Variants in ADCY9 observed in about 807,000 individuals in gnomAD.
ADCY9 encodes the protein adenylate cyclase type 9.
A neutral mutation model predicts 101.5 loss-of-function variants in ADCY9; 50 were observed. That is an observed-to-expected ratio of 0.49 (90% confidence interval 0.39 to 0.62). The LOEUF is 0.62. Among genes scored for constraint, ADCY9 ranks in the 20% least tolerant of loss-of-function variants. The pLI, the probability that ADCY9 is intolerant of heterozygous loss-of-function variation, is 0.00. For missense variants in ADCY9, 1,662 were observed against 1,800.4 expected (o/e 0.92, Z 1.39); for synonymous variants, 905 against 769.3 (o/e 1.18, Z -2.92).
intron 7 of ADCY9, among the ~76,000 whole-genome samples, chr16:3,981,239 C>A (rs1265200483): frequency 1.3e-5 from 2 of 152,198 alleles, no homozygotes; most frequent in African/African-American, 2.4e-5. Context: ...GCGCACCTCA[C>A]CCCAGCCCTC....
downstream of ADCY9, chr16:3,962,521 A>C (rs1597128187): frequency 6.6e-6 from 1 of 152,320 alleles, no homozygotes; most frequent in South Asian, 2.1e-4. Context: ...TTCTGAAGTC[A>C]TGACGTGAAA....
At chr16:4,014,980 G>C (rs1052126072) in intron 2 of ADCY9, among the ~76,000 whole-genome samples, 1 of 123,908 alleles carries the variant, frequency 8.1e-6, no homozygotes, top group African/African-American at 3.1e-5. Flanking sequence ...CTCGCTGTGT[G>C]GCCCAGGCTG....
intron 2 of ADCY9, among the ~76,000 whole-genome samples, chr16:4,083,804 G>A (rs528176327): frequency 5.9e-5 from 9 of 152,288 alleles, no homozygotes; most frequent in African/African-American, 1.7e-4. Flanking sequence ...GTCCAGAACA[G>A]GCAAATGCAA....
rs895988757 is a variant in ADCY9, at chr16:4,116,260, G to A, written c.-614C>T. 1 of 146,092 alleles carries A rather than the reference G, an allele frequency of 6.8e-6. No individual in the cohort carries two copies. Among genetic ancestry groups the A allele is most frequent in the African/African-American group, 2.5e-5 (1 of 40,726 alleles). The allele number at this position is 146,092 out of a possible 1,614,324, so 9.0% of individuals were successfully genotyped here. On this transcript the variant is annotated 5_prime_UTR_variant, in exon 1 of 11. Coordinates refer to ENST00000294016, the MANE Select transcript of ADCY9 (RefSeq NM_001116.4). ...GGGCGGCGGTGCAGACGCTGCCGCA[G>A]AGCCGGGCTCCCGCGACGCCGGCCG...
At chr16:4,047,763 T>C (rs886468634) in intron 2 of ADCY9, among the ~76,000 whole-genome samples, 1 of 152,138 alleles carries the variant, frequency 6.6e-6, no homozygotes, top group African/African-American at 2.4e-5. Flanking sequence ...AAATCCACGT[T>C]GGCCAGGCTG....
chr16:4,030,657 C>G (rs2056549412), intron 2 of ADCY9, among the ~76,000 whole-genome samples: 1 of 151,264 alleles, frequency 6.6e-6, no homozygotes, highest in South Asian at 2.1e-4. Context: ...GAGTCGAGGT[C>G]ATGGCATCGC....
intron 2 of ADCY9, among the ~76,000 whole-genome samples, chr16:4,034,335 C>A (rs544801576): frequency 6.6e-6 from 1 of 152,166 alleles, no homozygotes; most frequent in East Asian, 1.9e-4. Flanking sequence ...ACTAGGCTTC[C>A]ATGCCATATA....
rs1195076485 is a variant in ADCY9, at chr16:3,966,347, G to A, written c.3490C>T (p.Arg1164Cys). Reference sequence around the variant, plus strand: ...AGGGGCCCATGGTTGAAGCCGACGCGGAGCTTGAAGTTGAACCACAGCATG... The same window carrying A: ...AGGGGCCCATGGTTGAAGCCGACGCAGAGCTTGAAGTTGAACCACAGCATG... Reference protein sequence around the residue: ...NNMLWFNFKLRVGFNHGPLTA... With the variant: ...NNMLWFNFKLCVGFNHGPLTA... The change falls in exon 11 of 11, where the codon CGC (arginine) becomes TGC (cysteine). Residue 1164 changes from arginine (R) to cysteine (C), a missense_variant. This residue lies in a region of ADCY9 where 220 missense variants were observed against 312.9 expected (regional missense o/e 0.70). Transcript: ENST00000294016. The A allele has an allele frequency of 1.2e-6, 2 of 1,614,094 alleles. No individual in the cohort carries two copies. The highest frequency in any genetic ancestry group is 1.7e-6 in the Non-Finnish European group (2 of 1,180,040).
At chr16:4,081,072 G>A (rs1453287827) in intron 2 of ADCY9, among the ~76,000 whole-genome samples, 1 of 152,172 alleles carries the variant, frequency 6.6e-6, no homozygotes, top group East Asian at 1.9e-4. Flanking sequence ...AATATTTCTA[G>A]GTCTGTGCTT....
chr16:3,986,579 TC>T (rs1331722623), intron 6 of ADCY9, among the ~76,000 whole-genome samples: 1 of 152,174 alleles, frequency 6.6e-6, no homozygotes, highest in Non-Finnish European at 1.5e-5. Flanking sequence ...TGTCTCAGCT[TC>T]CCAAGTAGCT....
downstream of ADCY9, among the ~76,000 whole-genome samples, chr16:3,960,486 C>T (rs145746707): frequency 6.3e-3 from 955 of 152,300 alleles, 14 homozygotes; most frequent in African/African-American, 0.022. Flanking sequence ...CGCACCACTG[C>T]ACTCCAGCCT....
At chr16:3,998,974 CG>C (rs2056311424) in intron 3 of ADCY9, among the ~76,000 whole-genome samples, 1 of 151,684 alleles carries the variant, frequency 6.6e-6, no homozygotes, top group Admixed American at 6.6e-5. Context: ...TTTCCTTGAG[CG>C]ATTCATTAGC....
Position 3,977,588 on chromosome 16 carries a change from G to A in ADCY9, c.2722C>T (p.His908Tyr), listed in dbSNP as rs2056103524. 6.2e-7 allele frequency: 1 copy of A among 1,612,154 alleles called. No homozygotes were observed. The highest frequency in any genetic ancestry group is 1.1e-5 in the South Asian group (1 of 90,804). The change falls in exon 9 of 11, where the codon CAC becomes TAC. Residue 908 changes from histidine (H) to tyrosine (Y), a missense_variant. Coordinates refer to ENST00000294016, the MANE Select transcript of ADCY9 (RefSeq NM_001116.4). ...TGSAALIAVV[H>Y]YCNFCQLSSW... ...CTGAGCTGGCAGAAGTTACAGTAGT[G>A]CACGACGGCAATCAGCGCGGCCGAG... is the stretch of plus-strand genomic sequence containing the variant.
In ADCY9 at chr16:4,115,908, C is replaced by A; in HGVS notation, c.-262G>T. The A allele has an allele frequency of 2.6e-6, 1 of 391,956 alleles. No individual in the cohort carries two copies. Among genetic ancestry groups the A allele is most frequent in the South Asian group, 1.3e-4 (1 of 7,760 alleles). The allele number at this position is 391,956 out of a possible 1,614,324, so 24.3% of individuals were successfully genotyped here. ...TGCGCACAAACAACTCCGCTGGCGG[C>A]GCGGAGCCCTCCATCCTGCAGGAGC... On this transcript the variant is annotated 5_prime_UTR_variant, in exon 1 of 11. Transcript: ENST00000294016. This position sits in a 1 kb window ranked among gnomAD's most constrained non-coding sequence, Gnocchi z 6.2.
chr16:4,087,567 G>C (rs2601822), intron 2 of ADCY9, among the ~76,000 whole-genome samples: 17,439 of 143,008 alleles, frequency 0.12, 1,587 homozygotes, highest in East Asian at 0.44. Context: ...AAAAAAAGAA[G>C]AACAACAACA....
At chr16:4,058,685 A>G (rs992229673) in intron 2 of ADCY9, among the ~76,000 whole-genome samples, 3 of 152,124 alleles carry the variant, frequency 2.0e-5, no homozygotes, top group African/African-American at 7.2e-5. Flanking sequence ...AAGGCCAGGG[A>G]ACAAGAAAAC....
chr16:4,037,735 T>C (rs758067985), intron 2 of ADCY9, among the ~76,000 whole-genome samples: 2 of 152,224 alleles, frequency 1.3e-5, no homozygotes, highest in South Asian at 2.1e-4. Flanking sequence ...GCATTTTTTA[T>C]TGTAATGCTC....
chr16:4,002,170 C>G (rs887831743), intron 3 of ADCY9, among the ~76,000 whole-genome samples: 1 of 152,164 alleles, frequency 6.6e-6, no homozygotes, highest in African/African-American at 2.4e-5. Context: ...GCAAGCATCA[C>G]CACTATCAAT....
chr16:4,015,207 C>T (rs1324081653), intron 2 of ADCY9, among the ~76,000 whole-genome samples: 1 of 152,022 alleles, frequency 6.6e-6, no homozygotes, highest in African/African-American at 2.4e-5. Flanking sequence ...TCCCAAAGTG[C>T]TGGGATTACA....
Sources: allele counts gnomAD v4.1 joint callset (sites outside exome capture counted in the v4.1 genomes callset), GRCh38; gene constraint gnomAD v4.1.1; regional missense constraint gnomAD v4.1.1; non-coding constraint Gnocchi (gnomAD v3.1); transcripts MANE v1.5; gene names NCBI Gene and HGNC (gene_info 2026-07-23, HGNC 2026-07-21).